Variants in LSAMP observed in about 807,000 individuals in gnomAD.
LSAMP encodes limbic system associated membrane protein, also known as limbic system-associated membrane protein.
In LSAMP, 7 loss-of-function variants were observed where a neutral mutation model predicts 38.6. The observed-to-expected ratio is 0.18, with a 90% CI of 0.10 to 0.34. LSAMP has a LOEUF of 0.34. Ranked by LOEUF, LSAMP falls within the 10% of genes least tolerant of loss-of-function variation. The pLI is 1.00. For missense variants in LSAMP, 313 were observed against 420.0 expected (o/e 0.75, Z 2.23); for synonymous variants, 154 against 166.8 (o/e 0.92, Z 0.59).
intron 1 of LSAMP, among the ~76,000 whole-genome samples, chr3:116,303,459 A>AT (rs578198270): frequency 1.4e-3 from 206 of 152,244 alleles, no homozygotes; most frequent in African/African-American, 4.9e-3. Context: ...ATCTCAAATA[A>AT]TTTTTTTCTA....
chr3:115,964,845 C>T (rs895542983), intron 3 of LSAMP, among the ~76,000 whole-genome samples: 20 of 152,054 alleles, frequency 1.3e-4, no homozygotes, highest in Admixed American at 2.6e-4. Context: ...TATGCTGAAT[C>T]TTTAGGCATA....
intron 1 of LSAMP, among the ~76,000 whole-genome samples, chr3:116,277,516 C>T (rs2047072246): frequency 6.6e-6 from 1 of 151,770 alleles, no homozygotes; most frequent in Non-Finnish European, 1.5e-5. Context: ...ACCACAGGCG[C>T]CCACCACCAC....
chr3:115,995,056 G>T (rs1287831484), intron 3 of LSAMP, among the ~76,000 whole-genome samples: 1 of 152,106 alleles, frequency 6.6e-6, no homozygotes, highest in Non-Finnish European at 1.5e-5. Context: ...TCCTGTACTT[G>T]TGTACCAACC....
At chr3:116,261,816 G>T (rs1329754017) in intron 1 of LSAMP, among the ~76,000 whole-genome samples, 1 of 150,362 alleles carries the variant, frequency 6.7e-6, no homozygotes, top group Non-Finnish European at 1.5e-5. Context: ...GTATGTGTGT[G>T]TATTATTGAT....
At chr3:115,959,623 C>T (rs1040037832) in intron 3 of LSAMP, among the ~76,000 whole-genome samples, 2 of 152,060 alleles carry the variant, frequency 1.3e-5, no homozygotes, top group Non-Finnish European at 2.9e-5. Flanking sequence ...CTCAGATAAC[C>T]TGCTTAGCCT....
chr3:116,277,272 C>G (rs1011564989), intron 1 of LSAMP, among the ~76,000 whole-genome samples: 3 of 152,092 alleles, frequency 2.0e-5, no homozygotes, highest in Admixed American at 1.3e-4. Flanking sequence ...CTGAAATTTC[C>G]AAGTATGTAG....
intron 3 of LSAMP, among the ~76,000 whole-genome samples, chr3:115,941,563 A>G (rs12491119): frequency 2.0e-5 from 3 of 152,068 alleles, no homozygotes; most frequent in African/African-American, 7.2e-5. Flanking sequence ...ATTGGCGCAC[A>G]CACACACAGA....
chr3:116,106,118 A>C (rs1025367992), intron 1 of LSAMP, among the ~76,000 whole-genome samples: 2 of 152,214 alleles, frequency 1.3e-5, no homozygotes, highest in Non-Finnish European at 2.9e-5. Context: ...AAGGTCTAAG[A>C]ATTGGGACGA....
chr3:116,211,304 T>G lies in LSAMP; in HGVS notation c.156-124748A>C, dbSNP rs188013206. Among the ~76,000 whole-genome samples, 122 of 152,324 alleles carry G rather than the reference T, an allele frequency of 8.0e-4. No homozygotes were observed. The Middle Eastern group carries it at 0.014, about 17-fold the overall frequency. On this transcript the variant is annotated intron_variant, in intron 1 of 6. Transcript: ENST00000490035. ...GATGACTATAGTTCATAACAATGTA[T>G]TGTATACTTGCGAATTGCTAAGACG...
chr3:115,913,743 T>G (rs2107509609), intron 3 of LSAMP, among the ~76,000 whole-genome samples: 1 of 152,312 alleles, frequency 6.6e-6, no homozygotes. Context: ...TTGTGGGCTC[T>G]GTGACAAAAC....
At chr3:115,882,287 C>G (rs1161744016) in intron 3 of LSAMP, among the ~76,000 whole-genome samples, 1 of 152,042 alleles carries the variant, frequency 6.6e-6, no homozygotes, top group African/African-American at 2.4e-5. Context: ...CACCTTGTAC[C>G]AGGTGCTGGA....
intron 1 of LSAMP, among the ~76,000 whole-genome samples, chr3:116,206,035 G>T (rs1289472715): frequency 6.6e-6 from 1 of 151,936 alleles, no homozygotes; most frequent in East Asian, 1.9e-4. Flanking sequence ...TCTGGCCCTG[G>T]ACTCTTTTTG....
chr3:116,010,091 A>G (rs571928458), intron 3 of LSAMP, among the ~76,000 whole-genome samples: 1 of 152,146 alleles, frequency 6.6e-6, no homozygotes, highest in African/African-American at 2.4e-5. Flanking sequence ...TAATTTTTGT[A>G]CTTTTAGTAG....
At chr3:116,196,515 T>C (rs917080033) in intron 1 of LSAMP, among the ~76,000 whole-genome samples, 1 of 152,148 alleles carries the variant, frequency 6.6e-6, no homozygotes, top group Non-Finnish European at 1.5e-5. Context: ...TGATTTTATT[T>C]CTCCCCGATA....
chr3:116,384,772 A>G (rs1259787590), intron 1 of LSAMP, among the ~76,000 whole-genome samples: 3 of 152,084 alleles, frequency 2.0e-5, no homozygotes, highest in Admixed American at 2.0e-4. Flanking sequence ...CAGAAAACAC[A>G]TTTAATTTTG....
chr3:115,924,764 A>T (rs1937460613), intron 3 of LSAMP, among the ~76,000 whole-genome samples: 1 of 152,204 alleles, frequency 6.6e-6, no homozygotes, highest in African/African-American at 2.4e-5. Context: ...TGTCGGGTCA[A>T]ATTGGGGATA....
chr3:116,395,094 T>G (rs562662331), intron 1 of LSAMP, among the ~76,000 whole-genome samples: 1 of 152,324 alleles, frequency 6.6e-6, no homozygotes, highest in South Asian at 2.1e-4. Flanking sequence ...ATTTGGGTTT[T>G]TTCCCTTTTA....
chr3:116,304,593 G>A (rs2047457360), intron 1 of LSAMP, among the ~76,000 whole-genome samples: 1 of 152,092 alleles, frequency 6.6e-6, no homozygotes, highest in South Asian at 2.1e-4. Flanking sequence ...CATCCCAAAT[G>A]AAGACAAAAT....
At chr3:115,867,831 T>C (rs564255360) in intron 3 of LSAMP, among the ~76,000 whole-genome samples, 1 of 152,140 alleles carries the variant, frequency 6.6e-6, no homozygotes, top group Non-Finnish European at 1.5e-5. Context: ...CATATAATAA[T>C]CATTCTAAGA....
Sources: gnomAD v4.1 joint callset for allele counts (sites outside exome capture counted in the v4.1 genomes callset) on GRCh38, gnomAD v4.1.1 for gene constraint, MANE v1.5 for transcripts, NCBI Gene and HGNC (gene_info 2026-07-23, HGNC 2026-07-21) for gene names.